The following PRKAR2B variants were observed in gnomAD, a reference collection of about 807,000 sequenced individuals.
PRKAR2B encodes cAMP-dependent protein kinase type II-beta regulatory subunit.
Under a neutral mutation model 49.9 loss-of-function variants are expected in PRKAR2B, and 14 were observed. The observed-to-expected ratio is 0.28, with a 90% CI of 0.19 to 0.44. PRKAR2B has a LOEUF of 0.44. PRKAR2B is among the 20% of genes least tolerant of loss of function. The pLI, the probability that PRKAR2B is intolerant of heterozygous loss-of-function variation, is 1.00. For synonymous variants in PRKAR2B, 196 were observed against 197.7 expected (o/e 0.99, Z 0.07); for missense variants, 393 against 537.9 (o/e 0.73, Z 2.67).
rs377532855 is a variant in PRKAR2B, at chr7:107,056,215, A to G, written c.307+11001A>G. Among the ~76,000 whole-genome samples, 12 of 152,248 alleles carry G rather than the reference A, an allele frequency of 7.9e-5. No homozygotes were observed. In the South Asian group the frequency reaches 1.5e-3, roughly 18 times the overall value. On this transcript the variant is annotated intron_variant, in intron 1 of 10. Coordinates refer to ENST00000265717, the MANE Select transcript of PRKAR2B (RefSeq NM_002736.3). ...CCAGTACCATGCTGTTTTGGTTACC[A>G]TAGCCTTGTAGTATAGTTTGAAGTC... is the stretch of plus-strand genomic sequence containing the variant.
At chr7:107,116,600 A>T in intron 2 of PRKAR2B, among the ~76,000 whole-genome samples, 1 of 152,070 alleles carries the variant, frequency 6.6e-6, no homozygotes. Context: ...CATCCCCCAC[A>T]TTTCAAAAAA....
chr7:107,099,501 C>T (rs771100886), intron 2 of PRKAR2B, among the ~76,000 whole-genome samples: 1 of 152,198 alleles, frequency 6.6e-6, no homozygotes, highest in Non-Finnish European at 1.5e-5. Context: ...CCGTGGGCCG[C>T]ACCCACTGTC....
chr7:107,070,542 A>G (rs540867140), intron 2 of PRKAR2B, among the ~76,000 whole-genome samples: 6 of 152,356 alleles, frequency 3.9e-5, no homozygotes, highest in South Asian at 4.1e-4. Flanking sequence ...GAGTGGCTAC[A>G]CTGAAAGTCA....
chr7:107,146,533 G>A (rs1414191562), intron 6 of PRKAR2B, 72 bp downstream of exon 6: 11 of 1,472,284 alleles, frequency 7.5e-6, no homozygotes, highest in East Asian at 2.3e-5. Flanking sequence ...ACAAATTGCC[G>A]CATGTAGTAT....
rs1401481844 is a variant in PRKAR2B at position 107,093,730 on chromosome 7, C to G, written c.343+23414C>G. Among the ~76,000 whole-genome samples, 5 of 148,602 alleles carry G rather than the reference C, an allele frequency of 3.4e-5. No homozygotes were observed. The East Asian group carries it at 1.0e-3, about 30-fold the overall frequency. On this transcript the variant is annotated intron_variant, in intron 2 of 10. Coordinates refer to ENST00000265717, the MANE Select transcript of PRKAR2B (RefSeq NM_002736.3). ...TCTGTGTCCAAGTGTTCTCATTGTT[C>G]AATTCCCACCTATGAGTGAGAACAT...
intron 2 of PRKAR2B, among the ~76,000 whole-genome samples, chr7:107,092,808 C>G (rs1794755386): frequency 6.6e-6 from 1 of 152,170 alleles, no homozygotes; most frequent in Non-Finnish European, 1.5e-5. Context: ...CACCCATTAT[C>G]ACCATCCATC....
At chr7:107,158,829 A>G (rs1796145273) in intron 10 of PRKAR2B, among the ~76,000 whole-genome samples, 1 of 152,156 alleles carries the variant, frequency 6.6e-6, no homozygotes, top group Non-Finnish European at 1.5e-5. Flanking sequence ...GATCTATTTT[A>G]ATTTGTACTT....
chr7:107,048,447 C>T (rs1793739677), intron 1 of PRKAR2B, among the ~76,000 whole-genome samples: 3 of 151,764 alleles, frequency 2.0e-5, no homozygotes, highest in Admixed American at 6.6e-5. Context: ...TGGTTCATAT[C>T]CTCTCTTGTG....
At chr7:107,071,149 A>G (rs557773490) in intron 2 of PRKAR2B, among the ~76,000 whole-genome samples, 2 of 152,306 alleles carry the variant, frequency 1.3e-5, no homozygotes, top group South Asian at 4.1e-4. Flanking sequence ...GATTTGAGAA[A>G]ATTACTCTTT....
chr7:107,144,666 G>T (rs1345413145), intron 5 of PRKAR2B, among the ~76,000 whole-genome samples: 2 of 151,652 alleles, frequency 1.3e-5, no homozygotes, highest in Non-Finnish European at 2.9e-5. Flanking sequence ...TTGCTATGTT[G>T]CCCAGGCTGG....
In PRKAR2B at chr7:107,159,730, T is replaced by G; in HGVS notation, c.*148T>G. The stretch of plus-strand genomic sequence containing the variant: ...TTTACAACGTATCAATAAACAGTAG[T>G]GATTTAATAGTCAATAGGCTTTAAC... On this transcript the variant is annotated 3_prime_UTR_variant, in exon 11 of 11. Transcript: ENST00000265717. 1.3e-6 allele frequency: 1 copy of G among 741,892 alleles called. No individual in the cohort carries two copies. Among genetic ancestry groups the G allele is most frequent in the Non-Finnish European group, 2.1e-6 (1 of 475,224 alleles). The allele number at this position is 741,892 out of a possible 1,614,324, so 46.0% of individuals were successfully genotyped here.
At chr7:107,087,233 G>A (rs576582566) in intron 2 of PRKAR2B, among the ~76,000 whole-genome samples, 37 of 151,614 alleles carry the variant, frequency 2.4e-4, no homozygotes, top group Non-Finnish European at 4.3e-4. Flanking sequence ...TTTCCTAAAA[G>A]CATTTTCATC....
chr7:107,092,728 A>G (rs974914944), intron 2 of PRKAR2B, among the ~76,000 whole-genome samples: 3 of 152,228 alleles, frequency 2.0e-5, no homozygotes, highest in African/African-American at 7.2e-5. Flanking sequence ...TAAACATAAC[A>G]TAAAATTCAC....
At chr7:107,125,304 C>A (rs1385456164) in intron 3 of PRKAR2B, among the ~76,000 whole-genome samples, 4 of 152,178 alleles carry the variant, frequency 2.6e-5, no homozygotes, top group Non-Finnish European at 5.9e-5. Flanking sequence ...AATTTCTTAA[C>A]CTGCTTCATG....
intron 2 of PRKAR2B, among the ~76,000 whole-genome samples, chr7:107,080,721 G>T (rs535635747): frequency 6.6e-6 from 1 of 152,160 alleles, no homozygotes; most frequent in Non-Finnish European, 1.5e-5. Context: ...TAATGAGAGC[G>T]CTGTAACCGT....
intron 4 of PRKAR2B, among the ~76,000 whole-genome samples, chr7:107,129,775 C>T (rs1795570219): frequency 6.6e-6 from 1 of 152,094 alleles, no homozygotes; most frequent in Non-Finnish European, 1.5e-5. Flanking sequence ...ATTATTCATG[C>T]CTCCCCTTTT....
Position 107,156,979 on chromosome 7 carries a change from A to G in PRKAR2B, c.919-5A>G. On this transcript the variant is annotated splice_polypyrimidine_tract_variant and splice_region_variant and intron_variant, in intron 8 of 10. Transcript: ENST00000265717. ...ACCGTCTGTTTTTGTTATTGATTCC[A>G]ATAGGGAGATTCGGCTGATTCTTTT... 4 of 1,605,694 alleles carry G rather than the reference A, an allele frequency of 2.5e-6. No homozygotes were observed. The highest frequency in any genetic ancestry group is 3.4e-6 in the Non-Finnish European group (4 of 1,172,596).
chr7:107,046,299 A>G (rs1306192600), intron 1 of PRKAR2B, among the ~76,000 whole-genome samples: 1 of 152,242 alleles, frequency 6.6e-6, no homozygotes, highest in East Asian at 1.9e-4. Flanking sequence ...GCATTGCACC[A>G]GCTTTTATTT....
chr7:107,138,344 G>C lies in PRKAR2B; in HGVS notation c.481-2503G>C, dbSNP rs544832854. Among the ~76,000 whole-genome samples, 39 of 152,206 alleles carry C rather than the reference G, an allele frequency of 2.6e-4. No homozygotes were observed. In the East Asian group the frequency reaches 7.2e-3, roughly 28 times the overall value. On this transcript the variant is annotated intron_variant, in intron 4 of 10. Transcript: ENST00000265717. The stretch of plus-strand genomic sequence containing the variant: ...AGTCTGTGTCATGTGTTGGGGTAGA[G>C]GATATGTGGAGTATGTCTATACTTT...
Sources: gnomAD v4.1 joint callset for allele counts (sites outside exome capture counted in the v4.1 genomes callset) on GRCh38, gnomAD v4.1.1 for gene constraint, MANE v1.5 for transcripts, NCBI Gene and HGNC (gene_info 2026-07-23, HGNC 2026-07-21) for gene names.